The following FCGR1A variants were observed in gnomAD, a reference collection of about 807,000 sequenced individuals.
The protein encoded by FCGR1A is Fc gamma receptor Ia.
In FCGR1A, 13 loss-of-function variants were observed where a neutral mutation model predicts 35.0. That is an observed-to-expected ratio of 0.37 (90% CI 0.24 to 0.59). The LOEUF (loss-of-function observed/expected upper bound fraction) is 0.59. Among genes scored for constraint, FCGR1A ranks in the 20% least tolerant of loss-of-function variants. The probability of loss-of-function intolerance (pLI) is 0.71; values close to 1 mark genes in which losing one functional copy is unlikely to be tolerated. For synonymous variants in FCGR1A, 91 were observed against 164.7 expected, an observed-to-expected ratio of 0.55 and a Z score of 3.43; for missense variants, 227 against 430.0, an observed-to-expected ratio of 0.53 and a Z score of 4.17.
Position 149,788,381 on chromosome 1 carries a change from AG to A in FCGR1A, c.325del (p.Val109SerfsTer14). On this transcript the variant is annotated frameshift_variant, in exon 4 of 6. Transcript: ENST00000369168. LOFTEE classifies it high-confidence loss of function. ...TATTTTTCAGGCTGGCTACTACTGCAGGTCTCCAGCAGAGTCTTCACGGAAG... is the reference window on the plus strand; with the variant it reads ...TATTTTTCAGGCTGGCTACTACTGCAGTCTCCAGCAGAGTCTTCACGGAAG... The part of the protein sequence containing the change: ...LEIHRGWLLL[Q>X]VSSRVFTEGE... 1 of 1,613,040 alleles carries A rather than the reference AG, an allele frequency of 6.2e-7. No homozygotes were observed. Among genetic ancestry groups the A allele is most frequent in the Non-Finnish European group, 8.5e-7 (1 of 1,179,866 alleles).
intron 3 of FCGR1A, chr1:149,786,832 AT>A (rs1192173842): frequency 6.6e-6 from 1 of 152,174 alleles, no homozygotes; most frequent in African/African-American, 2.4e-5. Flanking sequence ...GATTTCTAAT[AT>A]TATAGCACTT....
chr1:149,784,580 G>A (rs1460989147), intron 3 of FCGR1A, among the ~76,000 whole-genome samples: 5 of 151,588 alleles, frequency 3.3e-5, no homozygotes, highest in African/African-American at 1.2e-4. Context: ...AATGAACAAT[G>A]AAATATCTTC....
intron 3 of FCGR1A, chr1:149,785,695 G>A (rs1276134962): frequency 1.3e-5 from 2 of 151,940 alleles, no homozygotes; most frequent in Non-Finnish European, 2.9e-5. Context: ...AATTTTCATT[G>A]AAATATAACT....
chr1:149,794,014 T>C, downstream of FCGR1A: 1 of 744,824 alleles, frequency 1.3e-6, no homozygotes, highest in South Asian at 1.4e-5. Context: ...AATGGAGGTA[T>C]AGCTGACAGC....
At chr1:149,789,311 T>G (rs2091636805) in intron 4 of FCGR1A, among the ~76,000 whole-genome samples, 1 of 152,110 alleles carries the variant, frequency 6.6e-6, no homozygotes, top group Non-Finnish European at 1.5e-5. Context: ...GAGAATAGCA[T>G]GAACCCGGGA....
downstream of FCGR1A, chr1:149,792,773 G>C (rs587695061): frequency 2.3e-6 from 3 of 1,278,270 alleles, 1 homozygote; most frequent in South Asian, 2.5e-5. Flanking sequence ...TGCATTCCTG[G>C]AGGCTGCAGG....
downstream of FCGR1A, among the ~76,000 whole-genome samples, chr1:149,796,512 A>G (rs1404376790): frequency 1.3e-5 from 2 of 152,162 alleles, no homozygotes; most frequent in African/African-American, 4.8e-5. Context: ...CGAAGAGGAG[A>G]AATGAGCATT....
downstream of FCGR1A, among the ~76,000 whole-genome samples, chr1:149,795,775 CTCTG>C (rs1232010620): frequency 1.3e-5 from 2 of 151,322 alleles, no homozygotes; most frequent in South Asian, 2.1e-4. Context: ...AAAAACCCCA[CTCTG>C]TCTTTGTTCA....
At chr1:149,784,839 T>C (rs2091498670) in intron 3 of FCGR1A, among the ~76,000 whole-genome samples, 1 of 151,892 alleles carries the variant, frequency 6.6e-6, no homozygotes, top group Non-Finnish European at 1.5e-5. Flanking sequence ...AGAAATCCAC[T>C]TTAAAATGTC....
At chr1:149,797,732 G>A in the FCGR1A span, among the ~76,000 whole-genome samples, 52 of 152,232 alleles carry the variant, frequency 3.4e-4, no homozygotes, top group African/African-American at 8.7e-4. Flanking sequence ...CTAGCAGTTC[G>A]AACTATAGGC....
In FCGR1A at chr1:149,791,432, TAGA is replaced by T. The variant is rs1553751880; in HGVS notation, c.1047_1049del (p.Glu350del). The T allele has an allele frequency of 4.4e-6, 7 of 1,606,282 alleles. 1 individual carries two copies. Among genetic ancestry groups the T allele is most frequent in the African/African-American group, 1.4e-5 (1 of 72,738 alleles). On this transcript the variant is annotated inframe_deletion, in exon 6 of 6. Transcript: ENST00000369168. ...TCCAGCCTTCAAGAAGACAGACATT[TAGA>T]AGAAGAGCTGAAATGTCAGGAACAA... is the stretch of plus-strand genomic sequence containing the variant.
rs1346007587 is a variant in FCGR1A, at chr1:149,791,298, G to C, written c.906G>C (p.Met302Ile). Residue 302 changes from methionine to isoleucine, a missense_variant, in exon 6 of 6, where the codon ATG (methionine) becomes ATC (isoleucine). Around this residue, in one of 3 missense-constraint regions of FCGR1A, gnomAD observed 39 missense variants for 101.3 expected, o/e 0.38. Transcript: ENST00000369168. ...TTTTCTATCTGGCAGTGGGAATAAT[G>C]TTTTTAGTGAACACTGTTCTCTGGG... is the stretch of plus-strand genomic sequence containing the variant. ...HVLFYLAVGIMFLVNTVLWVT... is the reference protein window; with the variant it reads ...HVLFYLAVGIIFLVNTVLWVT... 6.2e-7 allele frequency: 1 copy of C among 1,602,598 alleles called. No homozygotes were observed. Among genetic ancestry groups the C allele is most frequent in the South Asian group, 1.1e-5 (1 of 90,140 alleles).
Position 149,784,105 on chromosome 1 carries a change from G to A in FCGR1A, c.155G>A (p.Ser52Asn), listed in dbSNP as rs782696264. 17 of 1,611,858 alleles carry A rather than the reference G, an allele frequency of 1.1e-5. No homozygotes were observed. Among genetic ancestry groups the A allele is most frequent in the Non-Finnish European group, 1.4e-5 (17 of 1,179,862 alleles). ...HCEVLHLPGSSSTQWFLNGTA... is the reference protein window; with the variant it reads ...HCEVLHLPGSNSTQWFLNGTA... ...GAGGTGCTCCATCTGCCTGGGAGCA[G>A]CTCTACACAGTGGTTTCTCAATGGC... Residue 52 changes from serine (S) to asparagine (N), a missense_variant, in exon 3 of 6, where the codon AGC (serine) becomes AAC (asparagine). Coordinates refer to ENST00000369168, the MANE Select transcript of FCGR1A (RefSeq NM_000566.4).
intron 3 of FCGR1A, chr1:149,786,640 T>C (rs2091558182): frequency 6.6e-6 from 1 of 151,908 alleles, no homozygotes; most frequent in Non-Finnish European, 1.5e-5. Context: ...ACCAAAGTCA[T>C]GAAGGTAGGG....
chr1:149,787,078 C>T (rs2091571997), intron 3 of FCGR1A: 1 of 152,214 alleles, frequency 6.6e-6, no homozygotes, highest in Non-Finnish European at 1.5e-5. Context: ...GCACTTCCCA[C>T]TCTTTTGGAT....
chr1:149,800,518 AC>A, the FCGR1A span, among the ~76,000 whole-genome samples: 1 of 143,420 alleles, frequency 7.0e-6, no homozygotes, highest in African/African-American at 2.6e-5. Flanking sequence ...TCATTAATAA[AC>A]AAAACGACAT....
chr1:149,788,165 G>A, intron 3 of FCGR1A: 1 of 836,832 alleles, frequency 1.2e-6, no homozygotes, highest in Admixed American at 2.9e-5. Context: ...AGAAAGGGCT[G>A]TGTACGCAGT....
chr1:149,790,360 C>A, intron 5 of FCGR1A, 22 bp downstream of exon 5: 1 of 1,577,578 alleles, frequency 6.3e-7, no homozygotes, highest in East Asian at 2.3e-5. Context: ...TGACGGGAAG[C>A]CACTGGCACA....
chr1:149,798,874 A>C, the FCGR1A span, among the ~76,000 whole-genome samples: 1 of 151,878 alleles, frequency 6.6e-6, no homozygotes, highest in Non-Finnish European at 1.5e-5. Context: ...CAGCTTCCCA[A>C]AGTGCCAGGA....
Sources: allele counts gnomAD v4.1 joint callset (sites outside exome capture counted in the v4.1 genomes callset), GRCh38; gene constraint gnomAD v4.1.1; regional missense constraint gnomAD v4.1.1; transcripts MANE v1.5; gene names NCBI Gene and HGNC (gene_info 2026-07-23, HGNC 2026-07-21).